Variants in UNC79 observed in about 807,000 individuals in gnomAD.
The protein encoded by UNC79 is unc-79 subunit of NALCN channel complex, also known as protein unc-79 homolog.
A neutral mutation model predicts 283.1 loss-of-function variants in UNC79; 37 were observed. That is an observed-to-expected ratio of 0.13 (90% CI 0.10 to 0.17). UNC79 has a LOEUF of 0.17. Among genes scored for constraint, UNC79 ranks in the 10% least tolerant of loss-of-function variants. The probability of loss-of-function intolerance (pLI) is 1.00; values close to 1 mark genes in which losing one functional copy is unlikely to be tolerated. For synonymous variants in UNC79, 1,107 were observed against 1,200.2 expected (o/e 0.92, Z 1.61); for missense variants, 2,272 against 3,211.1 (o/e 0.71, Z 7.07).
At chr14:93,585,626 G>A (rs1317597060) in intron 20 of UNC79, among the ~76,000 whole-genome samples, 1 of 152,146 alleles carries the variant, frequency 6.6e-6, no homozygotes, top group Non-Finnish European at 1.5e-5. Flanking sequence ...GTGTAATGGT[G>A]ATTTTAACAC....
chr14:93,646,635 T>C (rs2069634665), exon 35 of UNC79: 1 of 1,613,904 alleles, frequency 6.2e-7, no homozygotes, highest in African/African-American at 1.3e-5. Context: ...CCTTTTCTAA[T>C]CAAGCAGAAA....
chr14:93,334,014 G>T (rs116549037), intron 1 of UNC79, among the ~76,000 whole-genome samples: 1 of 152,312 alleles, frequency 6.6e-6, no homozygotes, highest in South Asian at 2.1e-4. Flanking sequence ...TATTGTATTT[G>T]CATTTTCAAT....
chr14:93,558,035 A>C (rs771086248), intron 14 of UNC79, among the ~76,000 whole-genome samples: 8 of 152,214 alleles, frequency 5.3e-5, no homozygotes, highest in Non-Finnish European at 1.0e-4. Context: ...AAAACAAGAC[A>C]AGAGGGAAAC....
intron 29 of UNC79, among the ~76,000 whole-genome samples, chr14:93,619,533 C>T (rs182388647): frequency 8.5e-5 from 13 of 152,286 alleles, no homozygotes; most frequent in Admixed American, 4.6e-4. Context: ...TATTGTGTTG[C>T]GTTTCCCCAG....
chr14:93,642,543 T>C (rs1056491185), intron 33 of UNC79, among the ~76,000 whole-genome samples: 3 of 151,678 alleles, frequency 2.0e-5, no homozygotes, highest in African/African-American at 4.8e-5. Context: ...GAAGAAGCGG[T>C]GGTGCCTGTC....
At chr14:93,571,799 C>G in intron 14 of UNC79, 95 bp from the exon 15 acceptor site, 1 of 1,304,088 alleles carries the variant, frequency 7.7e-7, no homozygotes, top group Non-Finnish European at 1.1e-6. Context: ...TGGATTGTGG[C>G]CTTTCTCTGT....
rs150726271 is a variant in UNC79 at position 93,697,570 on chromosome 14, A to G, written c.7548+3158A>G. ...GTTTGGCTATTCTAGGTCATTTGCC[A>G]TTCGAGATAAATTTTAAAATTGGTT... On this transcript the variant is annotated intron_variant, in intron 47 of 48. Transcript: ENST00000555664. 8.0e-3 allele frequency among the ~76,000 whole-genome samples: 1,218 copies of G among 152,256 alleles called. 14 individuals are homozygous for G. Among genetic ancestry groups the G allele is most frequent in the African/African-American group, 0.028 (1,164 of 41,544 alleles).
chr14:93,609,042 A>C (rs1299501342), intron 26 of UNC79, among the ~76,000 whole-genome samples: 5 of 152,200 alleles, frequency 3.3e-5, no homozygotes, highest in Non-Finnish European at 7.4e-5. Context: ...GGAGTTAGGA[A>C]AATGCTGAAG....
chr14:93,340,787 G>C (rs2053692388), intron 1 of UNC79, among the ~76,000 whole-genome samples: 1 of 151,892 alleles, frequency 6.6e-6, no homozygotes, highest in African/African-American at 2.4e-5. Context: ...GCCCAGGCTG[G>C]TCTCAATCTC....
chr14:93,538,236 A>C lies in UNC79; in HGVS notation c.1352+18A>C. 6.5e-7 allele frequency: 1 copy of C among 1,535,980 alleles called. No individual in the cohort carries two copies. The highest frequency in any genetic ancestry group is 8.8e-7 in the Non-Finnish European group (1 of 1,140,296). ...GTGATCAGGTAACACGCAGTTTCTT[A>C]GTAGCTGCCTCTGACAACTCCACCT... On this transcript the variant is annotated intron_variant, in intron 12 of 48. Transcript: ENST00000555664.
At chr14:93,628,661 A>C in intron 30 of UNC79, among the ~76,000 whole-genome samples, 1 of 152,214 alleles carries the variant, frequency 6.6e-6, no homozygotes, top group African/African-American at 2.4e-5. Flanking sequence ...CTGATGAAGG[A>C]ATGAAAGGAT....
intron 7 of UNC79, among the ~76,000 whole-genome samples, chr14:93,509,759 T>C (rs143444614): frequency 5.3e-5 from 8 of 152,132 alleles, no homozygotes; most frequent in African/African-American, 1.9e-4. Context: ...GGGCTGGTGT[T>C]GAGTACCCGC....
At chr14:93,585,592 T>A (rs1324571455) in intron 20 of UNC79, among the ~76,000 whole-genome samples, 1 of 152,234 alleles carries the variant, frequency 6.6e-6, no homozygotes, top group Non-Finnish European at 1.5e-5. Flanking sequence ...TGCCGTTGCC[T>A]CTGATCCTAG....
chr14:93,548,865 C>G (rs2061734296), intron 14 of UNC79, among the ~76,000 whole-genome samples: 1 of 152,196 alleles, frequency 6.6e-6, no homozygotes, highest in Admixed American at 6.5e-5. Context: ...TAATTTTCAA[C>G]TCTTATTATC....
chr14:93,594,687 A>C lies in UNC79; in HGVS notation c.3190+850A>C, dbSNP rs115970850. On this transcript the variant is annotated intron_variant, in intron 23 of 48. Coordinates refer to ENST00000555664, the Ensembl canonical transcript of UNC79. ...ATAATTTCCTAGTAAATAGAACAGC[A>C]GGTTCTCAGAGTAATGTGGTAAGGA... Among the ~76,000 whole-genome samples, 951 of 152,284 alleles carry C rather than the reference A, an allele frequency of 6.2e-3. 6 individuals carry two copies. The highest frequency in any genetic ancestry group is 0.022 in the African/African-American group (910 of 41,546).
intron 30 of UNC79, 83 bp downstream of exon 32, chr14:93,622,924 A>G: frequency 6.6e-7 from 1 of 1,507,888 alleles, no homozygotes; most frequent in Non-Finnish European, 8.9e-7. Context: ...CTGAATATGC[A>G]TCAGACTCAA....
chr14:93,444,757 A>G (rs2056413749), intron 1 of UNC79, among the ~76,000 whole-genome samples: 1 of 152,072 alleles, frequency 6.6e-6, no homozygotes, highest in Non-Finnish European at 1.5e-5. Flanking sequence ...TTCTTCATCT[A>G]TTCTTATGTC....
At position 93,560,623 on chromosome 14, in the gene UNC79, A is replaced by T. The variant is rs572812020; in HGVS notation, c.1756-11271A>T. Among the ~76,000 whole-genome samples, 75 of 151,866 alleles carry T rather than the reference A, an allele frequency of 4.9e-4. 1 individual carries two copies. The Middle Eastern group carries it at 0.017, about 34-fold the overall frequency. On this transcript the variant is annotated intron_variant, in intron 14 of 48. Coordinates refer to ENST00000555664, the Ensembl canonical transcript of UNC79. The stretch of plus-strand genomic sequence containing the variant: ...TCTTTTTTGTCATCTCAGTGTCATG[A>T]GGGGAACAGGGAGCTCTTCGGTCCC...
In UNC79 at chr14:93,695,890, C is replaced by CAAAAAAAAAAAAAAAAAAAAAAAAA. The variant is rs535235954; in HGVS notation, c.7548+1498_7548+1499insAAAAAAAAAAAAAAAAAAAAAAAAA. Among the ~76,000 whole-genome samples the CAAAAAAAAAAAAAAAAAAAAAAAAA allele has an allele frequency of 7.6e-4, 30 of 39,404 alleles. 1 individual carries two copies. Among genetic ancestry groups the CAAAAAAAAAAAAAAAAAAAAAAAAA allele is most frequent in the South Asian group, 3.2e-3 (3 of 950 alleles). 25.9% of individuals were successfully genotyped at this position (39,404 alleles called of 152,430 possible). A position where few individuals can be genotyped will look rare whatever the true frequency, so the allele number is the denominator to read the frequency against. On this transcript the variant is annotated intron_variant, in intron 47 of 48. Transcript: ENST00000555664. ...TGGGCAACAGGATGAGACTTTGTCT[C>CAAAAAAAAAAAAAAAAAAAAAAAAA]AAAAAAAAAAAAAAAAAAAAGCAAA...
Sources: gnomAD v4.1 joint callset for allele counts (sites outside exome capture counted in the v4.1 genomes callset) on GRCh38, gnomAD v4.1.1 for gene constraint, MANE v1.5 for transcripts, NCBI Gene and HGNC (gene_info 2026-07-23, HGNC 2026-07-21) for gene names.